The following ADAM20 variants were observed in gnomAD, a reference collection of about 807,000 sequenced individuals.
ADAM20 encodes ADAM metallopeptidase domain 20, also known as disintegrin and metalloproteinase domain-containing protein 20.
For synonymous variants in ADAM20, 305 were observed against 310.2 expected (o/e 0.98, Z 0.18); for missense variants, 871 against 883.2 (o/e 0.99, Z 0.18).
intron 1 of ADAM20, among the ~76,000 whole-genome samples, chr14:70,530,482 A>T (rs573294545): frequency 1.3e-5 from 2 of 152,318 alleles, no homozygotes; most frequent in South Asian, 4.1e-4. Context: ...TATCATCATT[A>T]TCAACTTTAT....
At chr14:70,558,056 C>T in the ADAM20 span, among the ~76,000 whole-genome samples, 2 of 152,180 alleles carry the variant, frequency 1.3e-5, no homozygotes, top group Non-Finnish European at 2.9e-5. Flanking sequence ...CATATTAGCT[C>T]TGTGGATATA....
the ADAM20 span, among the ~76,000 whole-genome samples, chr14:70,541,753 T>C: frequency 6.6e-6 from 1 of 152,150 alleles, no homozygotes; most frequent in East Asian, 1.9e-4. Context: ...GTTCCAAAGT[T>C]ATGGGAGACT....
the ADAM20 span, among the ~76,000 whole-genome samples, chr14:70,541,157 TACA>T: frequency 1.3e-5 from 2 of 152,210 alleles, no homozygotes; most frequent in Non-Finnish European, 1.5e-5. Context: ...AAGGAATGTT[TACA>T]ACAAGTCAGA....
rs59828723 is a variant in ADAM20 at position 70,534,082 on chromosome 14, CAAAAAAAAAAAA to C, written c.-177+703_-177+714del. Among the ~76,000 whole-genome samples the C allele has an allele frequency of 9.1e-3, 492 of 54,064 alleles. 4 individuals are homozygous for C. The highest frequency in any genetic ancestry group is 0.017 in the Middle Eastern group (2 of 118). 35.5% of individuals were successfully genotyped at this position (54,064 alleles called of 152,430 possible). A position where few individuals can be genotyped will look rare whatever the true frequency, so the allele number is the denominator to read the frequency against. On this transcript the variant is annotated intron_variant, in intron 1 of 1. Coordinates refer to ENST00000256389, the MANE Select transcript of ADAM20 (RefSeq NM_003814.5). The stretch of plus-strand genomic sequence containing the variant: ...TGGGCGAGAGAGCAAGACCCTGTCT[CAAAAAAAAAAAA>C]AAAAAAAAAAAAAACACACACACAC...
chr14:70,559,438 C>T, the ADAM20 span, among the ~76,000 whole-genome samples: 1 of 152,188 alleles, frequency 6.6e-6, no homozygotes, highest in Non-Finnish European at 1.5e-5. Context: ...TTGTTTCCCA[C>T]CTTGATTATT....
At chr14:70,554,174 C>A in the ADAM20 span, among the ~76,000 whole-genome samples, 1 of 152,000 alleles carries the variant, frequency 6.6e-6, no homozygotes, top group Non-Finnish European at 1.5e-5. Context: ...ACAATAGCCA[C>A]AAATAAAATA....
the ADAM20 span, among the ~76,000 whole-genome samples, chr14:70,555,068 G>A: frequency 6.6e-6 from 1 of 152,218 alleles, no homozygotes; most frequent in African/African-American, 2.4e-5. Flanking sequence ...GCCCGATGGA[G>A]AGAATATTTC....
At chr14:70,529,314 G>T (rs1345274633) in intron 1 of ADAM20, among the ~76,000 whole-genome samples, 1 of 152,128 alleles carries the variant, frequency 6.6e-6, no homozygotes, top group Non-Finnish European at 1.5e-5. Flanking sequence ...ATTTAAGATT[G>T]AAATCACCCC....
upstream of ADAM20, among the ~76,000 whole-genome samples, chr14:70,539,783 C>T (rs138125186): frequency 0.016 from 2,502 of 152,308 alleles, 29 homozygotes; most frequent in Non-Finnish European, 0.025. Flanking sequence ...ACTTCATCCC[C>T]ATGTGACCAT....
At chr14:70,526,159 G>C (rs1883586182) in intron 1 of ADAM20, among the ~76,000 whole-genome samples, 1 of 152,178 alleles carries the variant, frequency 6.6e-6, no homozygotes, top group African/African-American at 2.4e-5. Flanking sequence ...ACTTTGCTCA[G>C]TTCCTGACTT....
the ADAM20 span, among the ~76,000 whole-genome samples, chr14:70,567,244 G>A: frequency 2.0e-5 from 3 of 152,150 alleles, no homozygotes; most frequent in African/African-American, 7.2e-5. Flanking sequence ...CTCCGCCCTT[G>A]AGTCATCACA....
rs1371777346 is a variant in ADAM20 at position 70,534,942 on chromosome 14, A to G, written c.-322T>C. The G allele has an allele frequency of 1.3e-5, 2 of 152,198 alleles. No homozygotes were observed. The highest frequency in any genetic ancestry group is 2.9e-5 in the Non-Finnish European group (2 of 68,034). 9.4% of individuals were successfully genotyped at this position (152,198 alleles called of 1,614,324 possible). A position where few individuals can be genotyped will look rare whatever the true frequency, so the allele number is the denominator to read the frequency against. ...AGACTTGGTACTAGGAGTGATACCA[A>G]AAAAGAAAGATAAAATGGGAATCTG... On this transcript the variant is annotated 5_prime_UTR_variant, in exon 1 of 2. Coordinates refer to ENST00000256389, the MANE Select transcript of ADAM20 (RefSeq NM_003814.5).
At chr14:70,531,320 T>TA (rs1435630786) in intron 1 of ADAM20, among the ~76,000 whole-genome samples, 4 of 152,158 alleles carry the variant, frequency 2.6e-5, no homozygotes, top group African/African-American at 9.6e-5. Context: ...ACTTTTTTGA[T>TA]AAAAAATACT....
At chr14:70,573,436 G>A in the ADAM20 span, among the ~76,000 whole-genome samples, 1 of 152,148 alleles carries the variant, frequency 6.6e-6, no homozygotes, top group African/African-American at 2.4e-5. Context: ...CAAGGGTGGG[G>A]GACGAAGATG....
At chr14:70,575,180 T>G in the ADAM20 span, among the ~76,000 whole-genome samples, 1 of 149,926 alleles carries the variant, frequency 6.7e-6, no homozygotes, top group East Asian at 1.9e-4. Context: ...TGTATGTATA[T>G]ATATATAAAA....
chr14:70,543,879 A>T, the ADAM20 span, among the ~76,000 whole-genome samples: 7 of 152,170 alleles, frequency 4.6e-5, no homozygotes, highest in African/African-American at 1.7e-4. Flanking sequence ...GAGCATCACC[A>T]TCTTGGACAA....
rs752171440 is a variant in ADAM20 at position 70,523,106 on chromosome 14, T to C, written c.1652A>G (p.Tyr551Cys). ...GATATCAGGGGTCCAACATTTTACA[T>C]ATGTTGTGCCTACAATACCACAGTG... is the stretch of plus-strand genomic sequence containing the variant. The part of the protein sequence containing the change: ...FGHCGIVGTT[Y>C]VKCWTPDIMC... The change falls in exon 2 of 2, where the codon TAT (tyrosine) becomes TGT (cysteine). Residue 551 changes from tyrosine (Y) to cysteine (C), a missense_variant. Coordinates refer to ENST00000256389, the MANE Select transcript of ADAM20 (RefSeq NM_003814.5). 8.7e-6 allele frequency: 14 copies of C among 1,613,996 alleles called. No individual in the cohort carries two copies. The Admixed American group carries it at 2.3e-4, about 27-fold the overall frequency.
the ADAM20 span, among the ~76,000 whole-genome samples, chr14:70,569,793 T>C: frequency 0.15 from 22,453 of 146,098 alleles, 2,370 homozygotes; most frequent in East Asian, 0.5. Flanking sequence ...CAAATACTAG[T>C]AGACTTCAGA....
rs771166581 is a variant in ADAM20 at position 70,524,891 on chromosome 14, T to A, written c.-134A>T. ...TTTAGGGATCTGGGGATCTGTGTCC[T>A]GGTGGAGCTGGACCATCAGAGCTGC... On this transcript the variant is annotated 5_prime_UTR_variant, in exon 2 of 2. Coordinates refer to ENST00000256389, the MANE Select transcript of ADAM20 (RefSeq NM_003814.5). The A allele has an allele frequency of 6.2e-7, 1 of 1,610,176 alleles. No individual in the cohort carries two copies. Among genetic ancestry groups the A allele is most frequent in the South Asian group, 1.1e-5 (1 of 90,686 alleles).
Sources: gnomAD v4.1 joint callset for allele counts (sites outside exome capture counted in the v4.1 genomes callset) on GRCh38, gnomAD v4.1.1 for gene constraint, MANE v1.5 for transcripts, NCBI Gene and HGNC (gene_info 2026-07-23, HGNC 2026-07-21) for gene names.